Variants in CYP2C19 observed in about 807,000 individuals in gnomAD.
CYP2C19 encodes the protein cytochrome P450 family 2 subfamily C member 19.
CYP2C19 carries 59 observed loss-of-function variants against 40.9 expected under a neutral mutation model. That is an observed-to-expected ratio of 1.44 (90% CI 1.17 to 1.79). The LOEUF (loss-of-function observed/expected upper bound fraction) is 1.79. Ranked by LOEUF, CYP2C19 falls within the 40% of genes most tolerant of loss-of-function variation. The probability of loss-of-function intolerance (pLI) is 0.00; values close to 1 mark genes in which losing one functional copy is unlikely to be tolerated. For synonymous variants in CYP2C19, 253 were observed against 208.7 expected, an observed-to-expected ratio of 1.21 and a Z score of -1.83; for missense variants, 754 against 596.9, an observed-to-expected ratio of 1.26 and a Z score of -2.74.
chr10:94,765,934 A>G (rs1004656287), intron 1 of CYP2C19, among the ~76,000 whole-genome samples: 32 of 152,008 alleles, frequency 2.1e-4, no homozygotes, highest in African/African-American at 7.7e-4. Context: ...TTAAGATGGT[A>G]TTTGTAGTTA....
chr10:94,828,512 C>T (rs1004593904), intron 6 of CYP2C19, among the ~76,000 whole-genome samples: 2 of 147,930 alleles, frequency 1.4e-5, no homozygotes, highest in Non-Finnish European at 1.5e-5. Flanking sequence ...TTTCCATTGG[C>T]TTGGTAGATC....
At chr10:94,791,933 G>A (rs144602681) in intron 5 of CYP2C19, among the ~76,000 whole-genome samples, 1 of 151,916 alleles carries the variant, frequency 6.6e-6, no homozygotes, top group African/African-American at 2.4e-5. Flanking sequence ...TTAACTTTCT[G>A]TCTCGATCTG....
intron 5 of CYP2C19, among the ~76,000 whole-genome samples, chr10:94,785,401 C>A (rs1161266659): frequency 6.6e-6 from 1 of 152,106 alleles, no homozygotes; most frequent in Non-Finnish European, 1.5e-5. Flanking sequence ...ATTGACTCAT[C>A]ACCATTTGTT....
chr10:94,847,887 G>A (rs995326063), intron 7 of CYP2C19, among the ~76,000 whole-genome samples: 1 of 152,192 alleles, frequency 6.6e-6, no homozygotes, highest in Admixed American at 6.5e-5. Context: ...TTTCAGAAGT[G>A]TCTGTTCATA....
intron 7 of CYP2C19, among the ~76,000 whole-genome samples, chr10:94,849,448 C>G (rs998386556): frequency 6.6e-6 from 1 of 151,482 alleles, no homozygotes; most frequent in Non-Finnish European, 1.5e-5. Flanking sequence ...AGAAAAGAAT[C>G]AAGAAATCCT....
intron 5 of CYP2C19, among the ~76,000 whole-genome samples, chr10:94,798,603 C>T (rs990593508): frequency 2.0e-5 from 3 of 151,936 alleles, no homozygotes; most frequent in Non-Finnish European, 4.4e-5. Context: ...TTAAAGTCTG[C>T]CATTATTATT....
intron 1 of CYP2C19, among the ~76,000 whole-genome samples, chr10:94,765,645 G>A (rs576045624): frequency 1.4e-4 from 22 of 152,054 alleles, no homozygotes; most frequent in Non-Finnish European, 2.5e-4. Flanking sequence ...CTAGTGGTGG[G>A]GGAGCTGCTG....
chr10:94,775,726 T>G, intron 3 of CYP2C19, 187 bp downstream of exon 3: 1 of 878,944 alleles, frequency 1.1e-6, no homozygotes, highest in Non-Finnish European at 1.8e-6. Context: ...TGTACAGGCA[T>G]GATTGTGCAT....
chr10:94,787,573 G>T (rs1385496901), intron 5 of CYP2C19, among the ~76,000 whole-genome samples: 2 of 152,044 alleles, frequency 1.3e-5, no homozygotes, highest in Non-Finnish European at 2.9e-5. Context: ...CTTTGCAAAA[G>T]CCTGTATCCA....
chr10:94,796,042 C>T (rs1002775355), intron 5 of CYP2C19, among the ~76,000 whole-genome samples: 1 of 152,052 alleles, frequency 6.6e-6, no homozygotes, highest in Non-Finnish European at 1.5e-5. Context: ...GTTGCCATTG[C>T]TTTTTGTGTT....
At chr10:94,766,632 A>G (rs1256769514) in intron 1 of CYP2C19, among the ~76,000 whole-genome samples, 3 of 152,004 alleles carry the variant, frequency 2.0e-5, no homozygotes, top group Admixed American at 2.0e-4. Context: ...TTTAAGGAGG[A>G]AGGGGTTTTT....
chr10:94,801,739 G>T (rs1300990424), intron 5 of CYP2C19, among the ~76,000 whole-genome samples: 1 of 152,112 alleles, frequency 6.6e-6, no homozygotes. Flanking sequence ...CTCTTTTTAG[G>T]TCTGTAAGAA....
chr10:94,828,088 G>A (rs1849260589), intron 6 of CYP2C19, among the ~76,000 whole-genome samples: 2 of 152,038 alleles, frequency 1.3e-5, no homozygotes, highest in Admixed American at 6.6e-5. Flanking sequence ...TTCCAACTAT[G>A]TGGTCAATTT....
At chr10:94,810,044 C>T (rs1427342344) in intron 5 of CYP2C19, among the ~76,000 whole-genome samples, 4 of 152,082 alleles carry the variant, frequency 2.6e-5, no homozygotes, top group Non-Finnish European at 2.9e-5. Context: ...CCACGCCTGG[C>T]TAATTTTTTG....
intron 6 of CYP2C19, among the ~76,000 whole-genome samples, chr10:94,841,087 A>G (rs1849488336): frequency 6.6e-6 from 1 of 152,128 alleles, no homozygotes; most frequent in Non-Finnish European, 1.5e-5. Context: ...CACTTCCAAG[A>G]TGGTGGCAAG....
intron 6 of CYP2C19, among the ~76,000 whole-genome samples, chr10:94,840,300 G>GTC (rs576486204): frequency 1.4e-5 from 2 of 140,328 alleles, no homozygotes; most frequent in South Asian, 2.3e-4. Context: ...CTCTCTCTCT[G>GTC]TCTCTCTCTC....
Position 94,844,941 on chromosome 10 carries a change from G to T in CYP2C19, c.1149+1917G>T, listed in dbSNP as rs533435128. ...GTTGAAGGGGAATGCTGCATCTGATGAGCTTCTTCATTCACCCACCTGCAG... is the reference window on the plus strand; with the variant it reads ...GTTGAAGGGGAATGCTGCATCTGATTAGCTTCTTCATTCACCCACCTGCAG... On this transcript the variant is annotated intron_variant, in intron 7 of 8. Coordinates refer to ENST00000371321, the MANE Select transcript of CYP2C19 (RefSeq NM_000769.4). 2.0e-5 allele frequency among the ~76,000 whole-genome samples: 3 copies of T among 152,284 alleles called. No individual in the cohort carries two copies. In the South Asian group the frequency reaches 6.2e-4, roughly 32 times the overall value.
At chr10:94,771,945 C>T (rs186667072) in intron 1 of CYP2C19, among the ~76,000 whole-genome samples, 1 of 152,242 alleles carries the variant, frequency 6.6e-6, no homozygotes, top group East Asian at 1.9e-4. Context: ...ACGTGTACCC[C>T]TGCCTGTCCT....
Position 94,853,036 on chromosome 10 carries a change from A to T in CYP2C19, c.*122A>T, listed in dbSNP as rs1239479217. The stretch of plus-strand genomic sequence containing the variant: ...ATCTCACATTTTCCCTTCCCCCAAG[A>T]TCTAGTGAACATTCAGCCTCCATTA... On this transcript the variant is annotated 3_prime_UTR_variant, in exon 9 of 9. Coordinates refer to ENST00000371321, the MANE Select transcript of CYP2C19 (RefSeq NM_000769.4). 21 of 1,069,900 alleles carry T rather than the reference A, an allele frequency of 2.0e-5. No individual in the cohort carries two copies. The highest frequency in any genetic ancestry group is 2.4e-5 in the Non-Finnish European group (18 of 738,376). 66.3% of individuals were successfully genotyped at this position (1,069,900 alleles called of 1,614,324 possible).
Sources: gnomAD v4.1 joint callset for allele counts (sites outside exome capture counted in the v4.1 genomes callset) on GRCh38, gnomAD v4.1.1 for gene constraint, MANE v1.5 for transcripts, NCBI Gene and HGNC (gene_info 2026-07-23, HGNC 2026-07-21) for gene names.